WDR59: variants seen among roughly 807,000 people sequenced by gnomAD.
WDR59 encodes GATOR2 complex protein WDR59.
WDR59 carries 100 observed loss-of-function variants against 131.2 expected under a neutral mutation model. The observed-to-expected ratio is 0.76, with a 90% CI of 0.65 to 0.90. The LOEUF (loss-of-function observed/expected upper bound fraction) is 0.90, where lower values mean the gene tolerates loss of function less well. WDR59 is among the 40% of genes least tolerant of loss of function. The pLI, the probability that WDR59 is intolerant of heterozygous loss-of-function variation, is 0.00. For missense variants in WDR59, 1,203 were observed against 1,262.2 expected (o/e 0.95, Z 0.71); for synonymous variants, 601 against 466.2 (o/e 1.29, Z -3.72).
At position 74,876,469 on chromosome 16, in the gene WDR59, T is replaced by C. The variant is rs903294868; in HGVS notation, c.2690-2025A>G. Among the ~76,000 whole-genome samples, 6 of 152,232 alleles carry C rather than the reference T, an allele frequency of 3.9e-5. 1 individual carries two copies. The South Asian group carries it at 1.2e-3, about 32-fold the overall frequency. The stretch of plus-strand genomic sequence containing the variant: ...TTTAAAAGGGTTTGTTCCTTGGTAC[T>C]TGAGATAACTGTAAACTTAATTATT... On this transcript the variant is annotated intron_variant, in intron 25 of 25. Transcript: ENST00000262144.
At chr16:74,887,496 C>T (rs1385533851) in intron 23 of WDR59, among the ~76,000 whole-genome samples, 187 bp downstream of exon 23, 1 of 152,144 alleles carries the variant, frequency 6.6e-6, no homozygotes, top group Non-Finnish European at 1.5e-5. Context: ...GGCACAAAGA[C>T]CCCCAGAACG....
intron 10 of WDR59, 78 bp downstream of exon 10, chr16:74,921,869 G>A: frequency 6.6e-7 from 1 of 1,512,118 alleles, no homozygotes; most frequent in African/African-American, 1.4e-5. Flanking sequence ...TTCTTTACTG[G>A]ACTCCATGGC....
chr16:74,897,306 TCA>T (rs1479616025), intron 18 of WDR59, among the ~76,000 whole-genome samples: 1 of 152,212 alleles, frequency 6.6e-6, no homozygotes, highest in East Asian at 1.9e-4. Flanking sequence ...GCCGGGCACC[TCA>T]CAGTGTTTAG....
rs775967906 is a variant in WDR59 at position 74,908,966 on chromosome 16, A to G, written c.1654T>C (p.Tyr552His). Residue 552 changes from tyrosine (Y) to histidine (H), a missense_variant, in exon 17 of 26, where the codon TAT becomes CAT. Coordinates refer to ENST00000262144, the MANE Select transcript of WDR59 (RefSeq NM_030581.4). ...TGCATTGTCATGGGCCTTGTGAAAT[A>G]TACCAGGTAACCTAAAGGAGGAGAC... ...ARFCGAGYLV[Y>H]FTRPMTMHRA... The G allele has an allele frequency of 6.2e-7, 1 of 1,613,700 alleles. No homozygotes were observed. Among genetic ancestry groups the G allele is most frequent in the African/African-American group, 1.3e-5 (1 of 74,910 alleles).
chr16:74,944,993 C>G (rs1412491354), intron 6 of WDR59, among the ~76,000 whole-genome samples: 3 of 151,590 alleles, frequency 2.0e-5, no homozygotes, highest in African/African-American at 7.3e-5. Context: ...GTGTGGTGGC[C>G]CATGCCTGCA....
In WDR59 at chr16:74,985,108, G is replaced by C. The variant is rs1213034758; in HGVS notation, c.-91C>G. 13 of 1,313,270 alleles carry C rather than the reference G, an allele frequency of 9.9e-6. No homozygotes were observed. In the East Asian group the frequency reaches 2.5e-4, roughly 25 times the overall value. 81.4% of individuals were successfully genotyped at this position (1,313,270 alleles called of 1,614,324 possible). ...GGACCGTGCGCCCCACACAGCCAGA[G>C]AATCAGCCCCGACACGCCCCGTGCC... On this transcript the variant is annotated 5_prime_UTR_variant, in exon 1 of 26. Coordinates refer to ENST00000262144, the MANE Select transcript of WDR59 (RefSeq NM_030581.4).
rs749723550 is a variant in WDR59, at chr16:74,948,510, T to C, written c.445+9A>G. 1 of 1,612,962 alleles carries C rather than the reference T, an allele frequency of 6.2e-7. No individual in the cohort carries two copies. Among genetic ancestry groups the C allele is most frequent in the Non-Finnish European group, 8.5e-7 (1 of 1,179,006 alleles). Reference sequence around the variant, plus strand: ...GCGCCAGGGTGAGGTGGGAGAAGCATACACTCACCAACAGCAGACAGTGCA... The same window carrying C: ...GCGCCAGGGTGAGGTGGGAGAAGCACACACTCACCAACAGCAGACAGTGCA... On this transcript the variant is annotated intron_variant, in intron 6 of 25. Transcript: ENST00000262144.
chr16:74,951,385 G>A (rs1477313112), intron 4 of WDR59, 73 bp downstream of exon 4: 5 of 1,403,956 alleles, frequency 3.6e-6, no homozygotes, highest in Non-Finnish European at 4.9e-6. Flanking sequence ...AAGGAGGACG[G>A]CATCATCATT....
Position 74,912,186 on chromosome 16 carries a change from C to A in WDR59, c.1389+12G>T. 1.2e-6 allele frequency: 2 copies of A among 1,614,080 alleles called. No individual in the cohort carries two copies. The highest frequency in any genetic ancestry group is 2.2e-5 in the East Asian group (1 of 44,892). On this transcript the variant is annotated intron_variant, in intron 14 of 25. Coordinates refer to ENST00000262144, the MANE Select transcript of WDR59 (RefSeq NM_030581.4). ...AGAACAGCAAGGAGAATTTGGGAAC[C>A]CAGACCCCCACCTTCAGCAGCTTAG...
intron 25 of WDR59, among the ~76,000 whole-genome samples, chr16:74,885,303 T>G (rs949469172): frequency 4.6e-5 from 7 of 151,578 alleles, no homozygotes; most frequent in Non-Finnish European, 7.4e-5. Flanking sequence ...GCACAAAAAT[T>G]AGCCAGGCAT....
chr16:74,904,175 T>C (rs1417953479), intron 17 of WDR59, 75 bp from the exon 18 acceptor site: 36 of 1,524,376 alleles, frequency 2.4e-5, no homozygotes, highest in Non-Finnish European at 3.2e-5. Flanking sequence ...TTCTTAGCAC[T>C]TGATACCAAA....
At chr16:74,889,903 ACCT>A in intron 20 of WDR59, 88 bp from the exon 21 acceptor site, 1 of 934,676 alleles carries the variant, frequency 1.1e-6, no homozygotes, top group East Asian at 2.5e-5. Flanking sequence ...TCCATATAAA[ACCT>A]GATGCCTTGC....
chr16:74,950,609 C>A (rs1187585949), intron 4 of WDR59, among the ~76,000 whole-genome samples: 2 of 152,190 alleles, frequency 1.3e-5, no homozygotes, highest in Non-Finnish European at 2.9e-5. Context: ...CCTTTCCCAG[C>A]ACTTCCAGGT....
At chr16:74,900,534 C>G (rs1039228594) in intron 18 of WDR59, among the ~76,000 whole-genome samples, 1 of 152,132 alleles carries the variant, frequency 6.6e-6, no homozygotes, top group Non-Finnish European at 1.5e-5. Flanking sequence ...AAGGCAATAC[C>G]TAAAGCTTAT....
At chr16:74,918,783 G>A (rs951632227) in intron 10 of WDR59, among the ~76,000 whole-genome samples, 1 of 152,178 alleles carries the variant, frequency 6.6e-6, no homozygotes, top group African/African-American at 2.4e-5. Flanking sequence ...TATGGATGGG[G>A]AAACTGAGGC....
chr16:74,931,529 G>A (rs2031383587), intron 8 of WDR59, among the ~76,000 whole-genome samples: 1 of 152,006 alleles, frequency 6.6e-6, no homozygotes, highest in Non-Finnish European at 1.5e-5. Flanking sequence ...CAGAGATGGG[G>A]TTTTGCCATG....
chr16:74,973,134 A>T (rs1265746758), intron 1 of WDR59, among the ~76,000 whole-genome samples: 2 of 152,058 alleles, frequency 1.3e-5, no homozygotes, highest in Non-Finnish European at 2.9e-5. Flanking sequence ...CCAGCTACTC[A>T]GAAGACTAAG....
intron 3 of WDR59, among the ~76,000 whole-genome samples, chr16:74,955,418 G>A (rs975804483): frequency 1.3e-5 from 2 of 152,106 alleles, no homozygotes; most frequent in African/African-American, 2.4e-5. Context: ...TGGACTAGAC[G>A]ATCAGGGGCC....
chr16:74,979,265 C>T (rs1396425201), intron 1 of WDR59: 1 of 151,370 alleles, frequency 6.6e-6, no homozygotes, highest in African/African-American at 2.4e-5. Context: ...GAGATTGAGA[C>T]AATCCTGGCT....
Sources: allele counts gnomAD v4.1 joint callset (sites outside exome capture counted in the v4.1 genomes callset), GRCh38; gene constraint gnomAD v4.1.1; transcripts MANE v1.5; gene names NCBI Gene and HGNC (gene_info 2026-07-23, HGNC 2026-07-21).